The following CD36 variants were observed in gnomAD, a reference collection of about 807,000 sequenced individuals.
The protein encoded by CD36 is platelet glycoprotein 4.
CD36 carries 119 observed loss-of-function variants against 55.2 expected under a neutral mutation model. The ratio of observed to expected loss-of-function variants is 2.15; its 90% CI spans 1.86 to 2.51. CD36 has a LOEUF of 2.51. Ranked by LOEUF, CD36 falls within the 30% of genes most tolerant of loss-of-function variation. CD36 has a pLI of 0.00. For missense variants in CD36, 819 were observed against 555.5 expected (o/e 1.47, Z -4.77); for synonymous variants, 186 against 193.6 (o/e 0.96, Z 0.33).
At chr7:80,636,532 C>CAAAA (rs5885186), upstream of CD36, among the ~76,000 whole-genome samples, 9 of 124,614 alleles carry the variant, frequency 7.2e-5, no homozygotes, top group African/African-American at 2.4e-4. Context: ...TGATCTCTTG[C>CAAAA]AAAAAAAAAA....
chr7:80,643,520 T>A (rs1584357932), intron 1 of CD36, among the ~76,000 whole-genome samples: 1 of 152,190 alleles, frequency 6.6e-6, no homozygotes, highest in South Asian at 2.1e-4. Context: ...GCATTTTTTA[T>A]GTGGGCTCAT....
chr7:80,652,860 G>C (rs1360659894), intron 3 of CD36, among the ~76,000 whole-genome samples: 1 of 152,090 alleles, frequency 6.6e-6, no homozygotes, highest in Non-Finnish European at 1.5e-5. Context: ...TGTCTGGTTT[G>C]TACTAACACT....
chr7:80,666,294 TAAACAG>T, intron 7 of CD36, 143 bp from the exon 8 acceptor site: 1 of 650,806 alleles, frequency 1.5e-6, no homozygotes, highest in Non-Finnish European at 2.7e-6. Context: ...AAACAAAACA[TAAACAG>T]AATTGAACAT....
At position 80,662,500 on chromosome 7, in the gene CD36, G is replaced by A. The variant is rs1016832286; in HGVS notation, c.430-490G>A. The A allele has an allele frequency of 7.3e-6, 2 of 275,318 alleles. 1 individual carries two copies. The highest frequency in any genetic ancestry group is 9.9e-5 in the South Asian group (2 of 20,134). The allele number at this position is 275,318 out of a possible 1,614,324, so 17.1% of individuals were successfully genotyped here. On this transcript the variant is annotated intron_variant, in intron 5 of 14. Transcript: ENST00000447544. ...CCTCGTGCCGTTAGACGTGGAACCT[G>A]CCGTTGTGATGAACACGCCTGCAAC... is the stretch of plus-strand genomic sequence containing the variant.
intron 1 of CD36, among the ~76,000 whole-genome samples, chr7:80,609,994 G>A (rs552797553): frequency 1.8e-4 from 28 of 152,238 alleles, no homozygotes; most frequent in African/African-American, 6.5e-4. Flanking sequence ...TGAGGGGTGA[G>A]CCAAGCTGTG....
intron 8 of CD36, among the ~76,000 whole-genome samples, chr7:80,669,665 T>C (rs903598138): frequency 1.3e-5 from 2 of 151,978 alleles, no homozygotes; most frequent in African/African-American, 4.8e-5. Context: ...CCAGCTAATT[T>C]TGTGTATTTT....
At chr7:80,633,167 A>C (rs1325476624) in intron 1 of CD36, 1 of 151,956 alleles carries the variant, frequency 6.6e-6, no homozygotes, top group African/African-American at 2.4e-5. Flanking sequence ...ACCATCATTT[A>C]AATGTTGACT....
intron 6 of CD36, among the ~76,000 whole-genome samples, chr7:80,663,635 C>T (rs1429666330): frequency 2.0e-5 from 3 of 152,068 alleles, no homozygotes; most frequent in African/African-American, 4.8e-5. Flanking sequence ...AGGTAATAGA[C>T]TTCATTTTAA....
chr7:80,638,468 C>A (rs1363919104), upstream of CD36: 1 of 150,164 alleles, frequency 6.7e-6, no homozygotes, highest in Non-Finnish European at 1.5e-5. Context: ...TAAAAATAGA[C>A]CCTTATTAGC....
At chr7:80,622,098 CATACCCAGCCACATGGGGG>C (rs1793502777) in intron 1 of CD36, among the ~76,000 whole-genome samples, 6 of 152,244 alleles carry the variant, frequency 3.9e-5, no homozygotes, top group African/African-American at 1.4e-4. Context: ...TAAAAGGCCC[CATACCCAGCCACATGGGGG>C]ACTTTCCCAC....
intron 9 of CD36, chr7:80,670,488 A>G (rs900744371): frequency 4.4e-6 from 1 of 224,736 alleles, no homozygotes; most frequent in Admixed American, 5.2e-5. Context: ...GTACAATTTA[A>G]GACAGCAGTA....
chr7:80,652,320 G>A (rs1276910843), intron 3 of CD36, among the ~76,000 whole-genome samples: 2 of 152,008 alleles, frequency 1.3e-5, no homozygotes, highest in Non-Finnish European at 2.9e-5. Flanking sequence ...TACCATTTTA[G>A]GTACTTACAT....
At chr7:80,643,900 T>C (rs1448289892) in intron 1 of CD36, among the ~76,000 whole-genome samples, 1 of 152,160 alleles carries the variant, frequency 6.6e-6, no homozygotes, top group African/African-American at 2.4e-5. Flanking sequence ...CTTCGTTAAG[T>C]ATAACTTGCA....
intron 1 of CD36, among the ~76,000 whole-genome samples, chr7:80,620,998 A>G (rs75317192): frequency 0.03 from 4,512 of 152,232 alleles, 191 homozygotes; most frequent in East Asian, 0.11. Context: ...AAAGGCAAAC[A>G]ATTTTTCCAA....
intron 8 of CD36, 26 bp from the exon 9 acceptor site, chr7:80,669,927 T>A (rs746356909): frequency 2.6e-6 from 4 of 1,554,862 alleles, no homozygotes; most frequent in Non-Finnish European, 3.6e-6. Flanking sequence ...TTACATCTAA[T>A]CATTTGCCAC....
intron 11 of CD36, among the ~76,000 whole-genome samples, 193 bp downstream of exon 11, chr7:80,672,233 T>C (rs1284847492): frequency 6.6e-6 from 1 of 151,830 alleles, no homozygotes; most frequent in Non-Finnish European, 1.5e-5. Flanking sequence ...TAAAATAATT[T>C]TATATAAATA....
At chr7:80,632,144 A>G (rs1794105996) in intron 1 of CD36, among the ~76,000 whole-genome samples, 1 of 151,772 alleles carries the variant, frequency 6.6e-6, no homozygotes, top group South Asian at 2.1e-4. Context: ...ATAGGATTTG[A>G]TAGATTGTTT....
At chr7:80,652,736 G>C (rs933475977) in intron 3 of CD36, among the ~76,000 whole-genome samples, 11 of 152,158 alleles carry the variant, frequency 7.2e-5, no homozygotes, top group African/African-American at 2.7e-4. Context: ...GGCTTAGACA[G>C]TAAATGCTAT....
intron 1 of CD36, among the ~76,000 whole-genome samples, chr7:80,631,726 A>G (rs2116108297): frequency 6.6e-6 from 1 of 151,844 alleles, no homozygotes; most frequent in South Asian, 2.1e-4. Flanking sequence ...ATTTTCTAGA[A>G]TATACTCATG....
Sources: gnomAD v4.1 joint callset for allele counts (sites outside exome capture counted in the v4.1 genomes callset) on GRCh38, gnomAD v4.1.1 for gene constraint, MANE v1.5 for transcripts, NCBI Gene and HGNC (gene_info 2026-07-23, HGNC 2026-07-21) for gene names.